SEPTIN1: variants seen among roughly 807,000 people sequenced by gnomAD.
The protein encoded by SEPTIN1 is septin-1.
SEPTIN1 carries 52 observed loss-of-function variants against 50.7 expected under a neutral mutation model. The observed-to-expected ratio is 1.03, with a 90% CI of 0.82 to 1.29. SEPTIN1 has a LOEUF of 1.29. Among genes scored for constraint, SEPTIN1 ranks in the 50% most tolerant of loss-of-function variants. The pLI, the probability that SEPTIN1 is intolerant of heterozygous loss-of-function variation, is 0.00. For synonymous variants in SEPTIN1, 204 were observed against 189.1 expected, an observed-to-expected ratio of 1.08 and a Z score of -0.65; for missense variants, 455 against 490.7, an observed-to-expected ratio of 0.93 and a Z score of 0.69.
At position 30,378,522 on chromosome 16, in the gene SEPTIN1, T is replaced by C. The variant is rs776639677; in HGVS notation, c.1033-2A>G. 6.3e-7 allele frequency: 1 copy of C among 1,591,632 alleles called. No individual in the cohort carries two copies. Among genetic ancestry groups the C allele is most frequent in the Non-Finnish European group, 8.6e-7 (1 of 1,169,238 alleles). Reference sequence around the variant, plus strand: ...CAGCATCTCTTGCATGCGGCGCAGCTGTGCAGGGCGAGATTGCAGGCGGTG... The same window carrying C: ...CAGCATCTCTTGCATGCGGCGCAGCCGTGCAGGGCGAGATTGCAGGCGGTG... On this transcript the variant is annotated splice_acceptor_variant, in intron 10 of 10. Coordinates refer to ENST00000321367, the MANE Select transcript of SEPTIN1 (RefSeq NM_001365977.2). LOFTEE classifies it high-confidence loss of function.
Position 30,381,071 on chromosome 16 carries a change from G to T in SEPTIN1, c.573+56C>A. On this transcript the variant is annotated intron_variant, in intron 6 of 10. Coordinates refer to ENST00000321367, the MANE Select transcript of SEPTIN1 (RefSeq NM_001365977.2). This position sits in a 1 kb window ranked among gnomAD's most constrained non-coding sequence, Gnocchi z 4.3. ...CCACTTCAAGATCAAAGAAGTCTAA[G>T]CTGAAATCAGGTTTGGCTTCACATG... is the stretch of plus-strand genomic sequence containing the variant. 1 of 1,346,508 alleles carries T rather than the reference G, an allele frequency of 7.4e-7. No individual in the cohort carries two copies. The highest frequency in any genetic ancestry group is 1.2e-5 in the South Asian group (1 of 85,748). The allele number at this position is 1,346,508 out of a possible 1,614,324, so 83.4% of individuals were successfully genotyped here. A position where few individuals can be genotyped will look rare whatever the true frequency, so the allele number is the denominator to read the frequency against.
At chr16:30,379,246 G>C in intron 8 of SEPTIN1, 63 bp from the exon 9 acceptor site, 2 of 1,593,996 alleles carry the variant, frequency 1.3e-6, no homozygotes, top group Admixed American at 1.7e-5. Flanking sequence ...CCACCCGTAA[G>C]GGTCGGGTCT....
In SEPTIN1 at chr16:30,381,623, GA is replaced by G; in HGVS notation, c.320+136del. ...GGTGGGGGCCTAGGTGAGTCATCAAGAAGCACAGGGACCCAGTGGCCCTCTG... is the reference window on the plus strand; with the variant it reads ...GGTGGGGGCCTAGGTGAGTCATCAAGAGCACAGGGACCCAGTGGCCCTCTG... On this transcript the variant is annotated intron_variant, in intron 4 of 10. Transcript: ENST00000321367. The surrounding 1 kb of genome is among the most constrained non-coding windows in gnomAD (Gnocchi z 4.3). 6.8e-7 allele frequency: 1 copy of G among 1,478,226 alleles called. No individual in the cohort carries two copies. The highest frequency in any genetic ancestry group is 9.2e-7 in the Non-Finnish European group (1 of 1,086,524). 91.6% of individuals were successfully genotyped at this position (1,478,226 alleles called of 1,614,324 possible).
chr16:30,380,044 A>G lies in SEPTIN1; in HGVS notation c.574-11T>C, dbSNP rs1309318604. On this transcript the variant is annotated splice_polypyrimidine_tract_variant and intron_variant, in intron 6 of 10. Coordinates refer to ENST00000321367, the MANE Select transcript of SEPTIN1 (RefSeq NM_001365977.2). ...CAACTGATCCCGGATCTCAGGGGAA[A>G]CAGATATAGAGACAGTGTGAAACGG... is the stretch of plus-strand genomic sequence containing the variant. The G allele has an allele frequency of 6.2e-7, 1 of 1,606,016 alleles. No homozygotes were observed. The highest frequency in any genetic ancestry group is 2.2e-5 in the East Asian group (1 of 44,618).
intron 10 of SEPTIN1, 43 bp from the exon 11 acceptor site, chr16:30,378,563 A>G: frequency 6.2e-7 from 1 of 1,605,748 alleles, no homozygotes. Flanking sequence ...GCGAAGCCAG[A>G]GGGGGACCTG....
chr16:30,381,257 A>T lies in SEPTIN1; in HGVS notation c.456-13T>A. 1 of 1,613,538 alleles carries T rather than the reference A, an allele frequency of 6.2e-7. No homozygotes were observed. The highest frequency in any genetic ancestry group is 8.5e-7 in the Non-Finnish European group (1 of 1,179,568). ...TAGGGGCCGGAGCCTGCACCCAGGG[A>T]TTGGTCATTGCCCAGCCTCAGGGGG... On this transcript the variant is annotated splice_polypyrimidine_tract_variant and intron_variant, in intron 5 of 10. Coordinates refer to ENST00000321367, the MANE Select transcript of SEPTIN1 (RefSeq NM_001365977.2). The surrounding 1 kb of genome is among the most constrained non-coding windows in gnomAD (Gnocchi z 4.3).
intron 9 of SEPTIN1, 114 bp downstream of exon 9, chr16:30,378,904 G>GAGAA (rs2049796170): frequency 4.9e-6 from 5 of 1,016,578 alleles, no homozygotes; most frequent in Non-Finnish European, 7.3e-6. Flanking sequence ...GGGAGGGAGA[G>GAGAA]AGAAGTCTGA....
In SEPTIN1 at chr16:30,382,413, G is replaced by C. The variant is rs755297197; in HGVS notation, c.19-48C>G. On this transcript the variant is annotated intron_variant, in intron 1 of 10. Transcript: ENST00000321367. The surrounding 1 kb of genome is among the most constrained non-coding windows in gnomAD (Gnocchi z 4.8). ...TGAGGCTGCTGGCAATGGCAGGCAG[G>C]GTCCCCAGGATCACTTGAGTTCCTG... 1 of 1,571,692 alleles carries C rather than the reference G, an allele frequency of 6.4e-7. No individual in the cohort carries two copies. Among genetic ancestry groups the C allele is most frequent in the Admixed American group, 1.7e-5 (1 of 57,802 alleles).
chr16:30,381,423 C>T lies in SEPTIN1; in HGVS notation c.371G>A (p.Arg124Lys). ...FIEEQFEQYL[R>K]DESGLNRKNI... ...CTTCCGGTTCAGGCCACTCTCATCC[C>T]TAAGGTACTGCTCAAATTGCTCCTC... is the stretch of plus-strand genomic sequence containing the variant. Residue 124 changes from arginine (R) to lysine (K), a missense_variant, in exon 5 of 11, where the codon AGG (arginine) becomes AAG (lysine). Physicochemically the swap from Arg to Lys is conservative, Grantham distance 26. Coordinates refer to ENST00000321367, the MANE Select transcript of SEPTIN1 (RefSeq NM_001365977.2). The surrounding 1 kb of genome is among the most constrained non-coding windows in gnomAD (Gnocchi z 4.3). 6.2e-7 allele frequency: 1 copy of T among 1,614,088 alleles called. No individual in the cohort carries two copies. The highest frequency in any genetic ancestry group is 1.1e-5 in the South Asian group (1 of 91,066).
At position 30,378,466 on chromosome 16, in the gene SEPTIN1, G is replaced by A. The variant is rs1326611332; in HGVS notation, c.1087C>T (p.Gln363Ter). 6.3e-7 allele frequency: 1 copy of A among 1,576,264 alleles called. No homozygotes were observed. The highest frequency in any genetic ancestry group is 8.6e-7 in the Non-Finnish European group (1 of 1,164,864). The change falls in exon 11 of 11, where the codon CAG becomes TAG. Residue 363 changes from glutamine to a stop codon, truncating the protein, a stop_gained. Coordinates refer to ENST00000321367, the MANE Select transcript of SEPTIN1 (RefSeq NM_001365977.2). LOFTEE classifies it high-confidence loss of function. ...GCGTCTGACTGCTCGCCCTGGGCCT[G>A]GCTCTGCTGCATTTGGGCCTGCATC... ...EKMQAQMQQS[Q>*]AQGEQSDAL
At position 30,378,503 on chromosome 16, in the gene SEPTIN1, C is replaced by T. The variant is rs964876120; in HGVS notation, c.1050G>A (p.Glu350=). The T allele has an allele frequency of 6.3e-7, 1 of 1,580,518 alleles. No individual in the cohort carries two copies. Among genetic ancestry groups the T allele is most frequent in the African/African-American group, 1.4e-5 (1 of 73,618 alleles). Residue 350 remains glutamate, a synonymous_variant, in exon 11 of 11, where the codon GAG becomes GAA. Transcript: ENST00000321367. The part of the protein sequence containing the change: ...EKDEELRRMQ[E]MLEKMQAQMQ... ...TTTGGGCCTGCATCTTCTCCAGCAT[C>T]TCTTGCATGCGGCGCAGCTGTGCAG... is the stretch of plus-strand genomic sequence containing the variant.
chr16:30,380,970 A>G, intron 6 of SEPTIN1, 157 bp downstream of exon 6: 1 of 711,446 alleles, frequency 1.4e-6, no homozygotes, highest in Non-Finnish European at 2.5e-6. Flanking sequence ...AGACATGGCT[A>G]TGCTGGCGGC....
At position 30,381,382 on chromosome 16, in the gene SEPTIN1, G is replaced by A. The variant is rs556208566; in HGVS notation, c.412C>T (p.Arg138Ter). 2.0e-5 allele frequency: 33 copies of A among 1,613,110 alleles called. No individual in the cohort carries two copies. Among genetic ancestry groups the A allele is most frequent in the South Asian group, 1.1e-4 (10 of 91,034 alleles). ...ATGAAGTAGAGGCAGCAGTGGACTCGGGAGTCCTGGATGTTCTTCCGGTTC... is the reference window on the plus strand; with the variant it reads ...ATGAAGTAGAGGCAGCAGTGGACTCAGGAGTCCTGGATGTTCTTCCGGTTC... ...GLNRKNIQDS[R>*]VHCCLYFISP... The change falls in exon 5 of 11, where the codon CGA (arginine) becomes TGA (stop). Residue 138 changes from arginine (R) to a stop codon, truncating the protein, a stop_gained. Coordinates refer to ENST00000321367, the MANE Select transcript of SEPTIN1 (RefSeq NM_001365977.2). LOFTEE classifies it high-confidence loss of function. The surrounding 1 kb of genome is among the most constrained non-coding windows in gnomAD (Gnocchi z 4.3).
rs201478158 is a variant in SEPTIN1, at chr16:30,378,703, G to A, written c.942-3C>T. On this transcript the variant is annotated splice_region_variant and splice_polypyrimidine_tract_variant and intron_variant, in intron 9 of 10. Coordinates refer to ENST00000321367, the MANE Select transcript of SEPTIN1 (RefSeq NM_001365977.2). ...TGGCGCTCTGGCGGGAAAGCTTACTGCGGGACAGTGGGAAGGGGACAGGAA... is the reference window on the plus strand; with the variant it reads ...TGGCGCTCTGGCGGGAAAGCTTACTACGGGACAGTGGGAAGGGGACAGGAA... 2 of 1,606,402 alleles carry A rather than the reference G, an allele frequency of 1.2e-6. No homozygotes were observed.
chr16:30,381,515 A>G lies in SEPTIN1; in HGVS notation c.321-42T>C. On this transcript the variant is annotated intron_variant, in intron 4 of 10. Coordinates refer to ENST00000321367, the MANE Select transcript of SEPTIN1 (RefSeq NM_001365977.2). The surrounding 1 kb of genome is among the most constrained non-coding windows in gnomAD (Gnocchi z 4.3). ...GATGTGAGGTCAGAGATCAAAGGCCAGAGGGCAGGGGGCAAGGCTAGCCAG... is the reference window on the plus strand; with the variant it reads ...GATGTGAGGTCAGAGATCAAAGGCCGGAGGGCAGGGGGCAAGGCTAGCCAG... 6.2e-7 allele frequency: 1 copy of G among 1,611,280 alleles called. No homozygotes were observed. The highest frequency in any genetic ancestry group is 8.5e-7 in the Non-Finnish European group (1 of 1,177,938).
At chr16:30,380,818 C>T in intron 6 of SEPTIN1, 1 of 401,580 alleles carries the variant, frequency 2.5e-6, no homozygotes, top group Non-Finnish European at 4.6e-6. Context: ...TAAGCAGAAA[C>T]AGTGGGAAAG....
chr16:30,378,640 G>C lies in SEPTIN1; in HGVS notation c.1002C>G (p.Thr334=). The C allele has an allele frequency of 6.2e-7, 1 of 1,610,794 alleles. No individual in the cohort carries two copies. Among genetic ancestry groups the C allele is most frequent in the Non-Finnish European group, 8.5e-7 (1 of 1,179,952 alleles). ...CGTCTTTCTCGCGGATCAGCTTCTC[G>C]GTGTCCGCCAGAGGCAGCATGGGCA... ...IPLPMLPLAD[T]EKLIREKDEE... Residue 334 remains threonine, a synonymous_variant, in exon 10 of 11, where the codon ACC becomes ACG. Coordinates refer to ENST00000321367, the MANE Select transcript of SEPTIN1 (RefSeq NM_001365977.2).
rs1343652877 is a variant in SEPTIN1 at position 30,381,330 on chromosome 16, C to T, written c.455+9G>A. The T allele has an allele frequency of 1.2e-6, 2 of 1,613,192 alleles. No individual in the cohort carries two copies. Among genetic ancestry groups the T allele is most frequent in the Admixed American group, 1.7e-5 (1 of 59,950 alleles). Reference sequence around the variant, plus strand: ...AAATGCGCCAGCCCCCAGGATCCCCCCACCAGACCCCCGGCCGAAGGGTGA... The same window carrying T: ...AAATGCGCCAGCCCCCAGGATCCCCTCACCAGACCCCCGGCCGAAGGGTGA... On this transcript the variant is annotated intron_variant, in intron 5 of 10. Transcript: ENST00000321367. This position sits in a 1 kb window ranked among gnomAD's most constrained non-coding sequence, Gnocchi z 4.3.
At position 30,381,007 on chromosome 16, in the gene SEPTIN1, C is replaced by G; in HGVS notation, c.573+120G>C. ...TACCACCCGCCTTCCTCAGAAGCTTCTCCTACAATCTAGCCTGATGCACCA... is the reference window on the plus strand; with the variant it reads ...TACCACCCGCCTTCCTCAGAAGCTTGTCCTACAATCTAGCCTGATGCACCA... On this transcript the variant is annotated intron_variant, in intron 6 of 10. Coordinates refer to ENST00000321367, the MANE Select transcript of SEPTIN1 (RefSeq NM_001365977.2). This position sits in a 1 kb window ranked among gnomAD's most constrained non-coding sequence, Gnocchi z 4.3. 2 of 840,564 alleles carry G rather than the reference C, an allele frequency of 2.4e-6. No individual in the cohort carries two copies. The highest frequency in any genetic ancestry group is 3.0e-5 in the South Asian group (2 of 66,898). 52.1% of individuals were successfully genotyped at this position (840,564 alleles called of 1,614,324 possible).
Sources: gnomAD v4.1 joint callset for allele counts on GRCh38, gnomAD v4.1.1 for gene constraint, Gnocchi (gnomAD v3.1) non-coding constraint, MANE v1.5 for transcripts, NCBI Gene and HGNC (gene_info 2026-07-23, HGNC 2026-07-21) for gene names.